FARP1: variants seen among roughly 807,000 people sequenced by gnomAD.
The protein encoded by FARP1 is FERM, ARHGEF and pleckstrin domain-containing protein 1.
A neutral mutation model predicts 128.8 loss-of-function variants in FARP1; 52 were observed. The ratio of observed to expected loss-of-function variants is 0.40; its 90% CI spans 0.32 to 0.51. The LOEUF (loss-of-function observed/expected upper bound fraction) is 0.51, where lower values mean the gene tolerates loss of function less well. Ranked by LOEUF, FARP1 falls within the 20% of genes least tolerant of loss-of-function variation. FARP1 has a pLI of 0.45. For synonymous variants in FARP1, 580 were observed against 551.8 expected (o/e 1.05, Z -0.72); for missense variants, 1,333 against 1,367.9 (o/e 0.97, Z 0.40).
rs77774111 is a variant in FARP1, at chr13:98,288,806, G to A, written c.172-54956G>A. Reference sequence around the variant, plus strand: ...AGTGAATGAGATTTCAGCTTTGGGCGAGATGCTGGCCTATGTGGTGTTTAA... The same window carrying A: ...AGTGAATGAGATTTCAGCTTTGGGCAAGATGCTGGCCTATGTGGTGTTTAA... On this transcript the variant is annotated intron_variant, in intron 2 of 26. Transcript: ENST00000319562. Among the ~76,000 whole-genome samples the A allele has an allele frequency of 1.3e-3, 203 of 152,286 alleles. 5 individuals are homozygous for A. The East Asian group carries it at 0.032, about 24-fold the overall frequency.
chr13:98,396,423 C>T, intron 13 of FARP1: 1 of 399,256 alleles, frequency 2.5e-6, no homozygotes. Context: ...GCCGGGGGTC[C>T]TTGGGTGGCC....
intron 1 of FARP1, among the ~76,000 whole-genome samples, chr13:98,158,726 T>C (rs1022067867): frequency 1.3e-4 from 20 of 152,188 alleles, no homozygotes; most frequent in African/African-American, 4.8e-4. Flanking sequence ...CTCAGGATTA[T>C]AGGCAATTTA....
chr13:98,272,471 C>T (rs1411889669), intron 2 of FARP1, among the ~76,000 whole-genome samples: 2 of 152,036 alleles, frequency 1.3e-5, no homozygotes, highest in Non-Finnish European at 1.5e-5. Flanking sequence ...AAATGCATAC[C>T]CTTCTGTTTT....
intron 2 of FARP1, among the ~76,000 whole-genome samples, chr13:98,255,537 G>A (rs144692029): frequency 1.3e-5 from 2 of 152,174 alleles, no homozygotes; most frequent in Admixed American, 1.3e-4. Flanking sequence ...TGGTTGCTGT[G>A]TTGTGAAATA....
chr13:98,311,210 C>A (rs1285245901), intron 2 of FARP1, among the ~76,000 whole-genome samples: 1 of 152,212 alleles, frequency 6.6e-6, no homozygotes, highest in African/African-American at 2.4e-5. Flanking sequence ...TGCAAACCTG[C>A]AAGCTTCAGG....
chr13:98,142,861 G>C (rs1446587828), upstream of FARP1: 1 of 152,002 alleles, frequency 6.6e-6, no homozygotes, highest in Non-Finnish European at 1.5e-5. Context: ...CGCGGAGCCC[G>C]GCCCTGGCCG....
rs1344101858 is a variant in FARP1 at position 98,393,742 on chromosome 13, A to G, written c.1164+24A>G. ...AGGTCAGTGATGGCGCTGTCCTATG[A>G]TAACTCTGCTTTTCCCCACACTTCC... is the stretch of plus-strand genomic sequence containing the variant. On this transcript the variant is annotated intron_variant, in intron 12 of 26. Coordinates refer to ENST00000319562, the MANE Select transcript of FARP1 (RefSeq NM_005766.4). 3.8e-6 allele frequency: 6 copies of G among 1,585,492 alleles called. No individual in the cohort carries two copies. The Admixed American group carries it at 1.0e-4, about 26-fold the overall frequency.
chr13:98,433,268 C>T (rs9584845), intron 18 of FARP1: 23,792 of 152,118 alleles, frequency 0.16, 1,966 homozygotes, highest in African/African-American at 0.21. Context: ...TCTAGAAAAA[C>T]CGTTGTTAAT....
At chr13:98,407,494 A>G (rs1262655590) in intron 13 of FARP1, 1 of 151,898 alleles carries the variant, frequency 6.6e-6, no homozygotes, top group African/African-American at 2.4e-5. Flanking sequence ...TTGTGAAGCA[A>G]TTTCTGGCCT....
Position 98,360,094 on chromosome 13 carries a change from T to A in FARP1, c.277-5301T>A, listed in dbSNP as rs1025882994. The stretch of plus-strand genomic sequence containing the variant: ...GTGTATTCAGAGATTGTGTTGCTTT[T>A]TTTTTTTTTTTTTTTTTTTTGAGAT... On this transcript the variant is annotated intron_variant, in intron 3 of 26. Transcript: ENST00000319562. Among the ~76,000 whole-genome samples, 158 of 54,836 alleles carry A rather than the reference T, an allele frequency of 2.9e-3. 1 individual carries two copies. Among genetic ancestry groups the A allele is most frequent in the Admixed American group, 0.012 (74 of 6,142 alleles). 36.0% of individuals were successfully genotyped at this position (54,836 alleles called of 152,430 possible).
intron 2 of FARP1, among the ~76,000 whole-genome samples, chr13:98,282,512 A>G (rs1884981126): frequency 6.6e-6 from 1 of 152,212 alleles, no homozygotes; most frequent in Non-Finnish European, 1.5e-5. Flanking sequence ...TGGATGTTTG[A>G]TAAATGGTCT....
chr13:98,173,560 A>T (rs531776103), intron 1 of FARP1, among the ~76,000 whole-genome samples: 2 of 152,346 alleles, frequency 1.3e-5, no homozygotes, highest in African/African-American at 2.4e-5. Context: ...AGCTGCCTCC[A>T]TAAGTCCATG....
At chr13:98,388,323 C>G (rs1890176053) in intron 8 of FARP1, 60 bp from the exon 9 acceptor site, 8 of 1,325,812 alleles carry the variant, frequency 6.0e-6, no homozygotes, top group Non-Finnish European at 6.5e-6. Context: ...GCAAAACAGA[C>G]CAACTCCCAA....
chr13:98,266,418 T>C (rs1337721642), intron 2 of FARP1, among the ~76,000 whole-genome samples: 1 of 152,152 alleles, frequency 6.6e-6, no homozygotes, highest in Non-Finnish European at 1.5e-5. Flanking sequence ...TTCACAATAG[T>C]GACCTTGTCC....
chr13:98,157,891 C>T (rs1156975970), intron 1 of FARP1, among the ~76,000 whole-genome samples: 4 of 152,178 alleles, frequency 2.6e-5, no homozygotes, highest in Non-Finnish European at 1.5e-5. Context: ...TATTTCTGTA[C>T]ATTTCTTTGT....
intron 2 of FARP1, among the ~76,000 whole-genome samples, chr13:98,282,767 G>A (rs1002288456): frequency 6.6e-6 from 1 of 152,068 alleles, no homozygotes; most frequent in Non-Finnish European, 1.5e-5. Flanking sequence ...GCTGGTGTGC[G>A]GCACGTGCCT....
At chr13:98,156,835 AG>A (rs1876526167) in intron 1 of FARP1, among the ~76,000 whole-genome samples, 1 of 152,218 alleles carries the variant, frequency 6.6e-6, no homozygotes, top group Non-Finnish European at 1.5e-5. Context: ...CTGGGATTAC[AG>A]GCATGAGCCA....
intron 2 of FARP1, among the ~76,000 whole-genome samples, chr13:98,326,300 C>T (rs561686085): frequency 1.3e-5 from 2 of 152,170 alleles, no homozygotes; most frequent in Non-Finnish European, 2.9e-5. Flanking sequence ...GCTTTCTTTT[C>T]TTGTTTTAGT....
chr13:98,359,216 T>C (rs1888762752), intron 3 of FARP1, among the ~76,000 whole-genome samples: 1 of 152,158 alleles, frequency 6.6e-6, no homozygotes, highest in Non-Finnish European at 1.5e-5. Flanking sequence ...CCCTCTGAGC[T>C]TGCCTTCATT....
Sources: gnomAD v4.1 joint callset for allele counts (sites outside exome capture counted in the v4.1 genomes callset) on GRCh38, gnomAD v4.1.1 for gene constraint, MANE v1.5 for transcripts, NCBI Gene and HGNC (gene_info 2026-07-23, HGNC 2026-07-21) for gene names.